Variants in GPC6 observed in about 807,000 individuals in gnomAD.
GPC6 encodes the protein glypican-6.
In GPC6, 14 loss-of-function variants were observed where a neutral mutation model predicts 55.2. The ratio of observed to expected loss-of-function variants is 0.25; its 90% CI spans 0.17 to 0.40. GPC6 has a LOEUF of 0.40. Among genes scored for constraint, GPC6 ranks in the 10% least tolerant of loss-of-function variants. The pLI is 1.00. For missense variants in GPC6, 641 were observed against 708.5 expected (o/e 0.90, Z 1.08); for synonymous variants, 278 against 259.6 (o/e 1.07, Z -0.68).
At chr13:94,112,229 G>C (rs1338182769) in intron 4 of GPC6, among the ~76,000 whole-genome samples, 2 of 152,252 alleles carry the variant, frequency 1.3e-5, no homozygotes, top group South Asian at 4.1e-4. Context: ...AATTTAGTAA[G>C]TTTCTACTCA....
In GPC6 at chr13:93,242,831, G is replaced by A. The variant is rs537745466; in HGVS notation, c.160+15215G>A. 1.8e-4 allele frequency among the ~76,000 whole-genome samples: 28 copies of A among 152,172 alleles called. No individual in the cohort carries two copies. The South Asian group carries it at 2.3e-3, about 12-fold the overall frequency. On this transcript the variant is annotated intron_variant, in intron 1 of 8. Coordinates refer to ENST00000377047, the MANE Select transcript of GPC6 (RefSeq NM_005708.5). Reference sequence around the variant, plus strand: ...GACAATCCCTGGGGAACAGACCACCGTGAATCCTGCTGTTCCTCTGGGTCT... The same window carrying A: ...GACAATCCCTGGGGAACAGACCACCATGAATCCTGCTGTTCCTCTGGGTCT...
intron 2 of GPC6, among the ~76,000 whole-genome samples, chr13:93,767,255 T>C (rs1301327417): frequency 2.6e-5 from 4 of 152,192 alleles, no homozygotes; most frequent in African/African-American, 9.7e-5. Flanking sequence ...AGAGTTGCTA[T>C]TTAATGCACC....
intron 4 of GPC6, among the ~76,000 whole-genome samples, chr13:94,102,973 G>C (rs568130011): frequency 1.1e-4 from 16 of 152,066 alleles, no homozygotes; most frequent in Non-Finnish European, 1.8e-4. Flanking sequence ...TGCCATGTTG[G>C]TGTGCTGCAC....
At position 93,556,514 on chromosome 13, in the gene GPC6, C is replaced by T. The variant is rs541738560; in HGVS notation, c.319+11093C>T. On this transcript the variant is annotated intron_variant, in intron 2 of 8. Coordinates refer to ENST00000377047, the MANE Select transcript of GPC6 (RefSeq NM_005708.5). Reference sequence around the variant, plus strand: ...ATGGAGAATGGAGTATCCATCCCCTCAAGCATTTATTCTTTGAGTTACAGG... The same window carrying T: ...ATGGAGAATGGAGTATCCATCCCCTTAAGCATTTATTCTTTGAGTTACAGG... Among the ~76,000 whole-genome samples the T allele has an allele frequency of 2.0e-5, 3 of 150,780 alleles. No homozygotes were observed. The East Asian group carries it at 5.8e-4, about 29-fold the overall frequency.
chr13:94,281,951 T>C (rs1234644119), intron 4 of GPC6, among the ~76,000 whole-genome samples: 1 of 152,220 alleles, frequency 6.6e-6, no homozygotes, highest in Non-Finnish European at 1.5e-5. Context: ...AGAGGGGACA[T>C]CATAAATGCT....
At position 93,801,368 on chromosome 13, in the gene GPC6, G is replaced by T. The variant is rs147950468; in HGVS notation, c.320-28786G>T. ...CTTTGCTTCTCAAAAGGTGTAGAAT[G>T]GTCATATCTGCTTTCTGACAGTGGT... On this transcript the variant is annotated intron_variant, in intron 2 of 8. Coordinates refer to ENST00000377047, the MANE Select transcript of GPC6 (RefSeq NM_005708.5). 4.3e-3 allele frequency among the ~76,000 whole-genome samples: 656 copies of T among 152,258 alleles called. 4 individuals are homozygous for T. Among genetic ancestry groups the T allele is most frequent in the African/African-American group, 0.014 (574 of 41,560 alleles).
intron 1 of GPC6, among the ~76,000 whole-genome samples, chr13:93,365,839 G>A (rs1485681025): frequency 2.0e-5 from 3 of 152,054 alleles, no homozygotes; most frequent in African/African-American, 7.2e-5. Flanking sequence ...AATATGTAGA[G>A]TGTTGGCTCT....
rs144421871 is a variant in GPC6 at position 93,515,671 on chromosome 13, T to A, written c.161-29592T>A. Among the ~76,000 whole-genome samples the A allele has an allele frequency of 3.1e-4, 47 of 152,318 alleles. No homozygotes were observed. In the East Asian group the frequency reaches 7.9e-3, roughly 26 times the overall value. Reference sequence around the variant, plus strand: ...AAAATTCCAAAGGCAAAATAAATACTGAAAATATATTCATTCTTACTAGTC... The same window carrying A: ...AAAATTCCAAAGGCAAAATAAATACAGAAAATATATTCATTCTTACTAGTC... On this transcript the variant is annotated intron_variant, in intron 1 of 8. Transcript: ENST00000377047.
At position 94,178,313 on chromosome 13, in the gene GPC6, A is replaced by G. The variant is rs149226404; in HGVS notation, c.878-108036A>G. On this transcript the variant is annotated intron_variant, in intron 4 of 8. Coordinates refer to ENST00000377047, the MANE Select transcript of GPC6 (RefSeq NM_005708.5). ...CACCCGGCTGGTCTTTAAATATTTT[A>G]TCTTGTCCTCCTATCTCTCATTATC... Among the ~76,000 whole-genome samples, 31 of 152,232 alleles carry G rather than the reference A, an allele frequency of 2.0e-4. 1 individual carries two copies. Among genetic ancestry groups the G allele is most frequent in the African/African-American group, 7.2e-4 (30 of 41,528 alleles).
At chr13:94,373,535 T>G (rs1294625329) in intron 6 of GPC6, among the ~76,000 whole-genome samples, 2 of 152,014 alleles carry the variant, frequency 1.3e-5, no homozygotes, top group Non-Finnish European at 2.9e-5. Flanking sequence ...AAAGAAATGA[T>G]CAAAGCCTCC....
intron 3 of GPC6, among the ~76,000 whole-genome samples, chr13:93,996,132 A>G (rs1471125522): frequency 2.0e-5 from 3 of 152,174 alleles, no homozygotes; most frequent in Non-Finnish European, 2.9e-5. Context: ...CCTTTCCACA[A>G]TCCCTTTGAA....
At chr13:93,959,563 A>C (rs1412998229) in intron 3 of GPC6, among the ~76,000 whole-genome samples, 2 of 152,166 alleles carry the variant, frequency 1.3e-5, no homozygotes, top group East Asian at 3.9e-4. Flanking sequence ...CTACTGAGCT[A>C]ATTTATTATC....
chr13:93,737,420 A>G (rs941412949), intron 2 of GPC6, among the ~76,000 whole-genome samples: 4 of 152,202 alleles, frequency 2.6e-5, no homozygotes, highest in African/African-American at 9.6e-5. Context: ...TCTCAAAGGT[A>G]CTTCAATTAA....
chr13:93,608,180 G>T (rs1437953598), intron 2 of GPC6, among the ~76,000 whole-genome samples: 4 of 151,694 alleles, frequency 2.6e-5, no homozygotes, highest in African/African-American at 9.7e-5. Context: ...AGGGTCTAGT[G>T]TATTGCCTTG....
At position 94,404,480 on chromosome 13, in the gene GPC6, T is replaced by C. The variant is rs1298754778; in HGVS notation, c.*1263T>C. The stretch of plus-strand genomic sequence containing the variant: ...TGTTTTGTCAACCAGCTCTTCTTGT[T>C]TTGTGCTGCTCAAAGAAGGGATTCC... On this transcript the variant is annotated 3_prime_UTR_variant, in exon 9 of 9. Coordinates refer to ENST00000377047, the MANE Select transcript of GPC6 (RefSeq NM_005708.5). The C allele has an allele frequency of 1.3e-5, 2 of 152,196 alleles. No individual in the cohort carries two copies. Among genetic ancestry groups the C allele is most frequent in the African/African-American group, 2.4e-5 (1 of 41,436 alleles). 9.4% of individuals were successfully genotyped at this position (152,196 alleles called of 1,614,324 possible).
Position 94,403,286 on chromosome 13 carries a change from A to T in GPC6, c.*69A>T. On this transcript the variant is annotated 3_prime_UTR_variant, in exon 9 of 9. Transcript: ENST00000377047. ...ATGGCCAACTCACTTCTTTTCTTAC[A>T]CTCTTGGACAATGGACCATGCCACA... 9.0e-7 allele frequency: 1 copy of T among 1,105,782 alleles called. No homozygotes were observed. Among genetic ancestry groups the T allele is most frequent in the Non-Finnish European group, 1.4e-6 (1 of 737,388 alleles). 68.5% of individuals were successfully genotyped at this position (1,105,782 alleles called of 1,614,324 possible). A position where few individuals can be genotyped will look rare whatever the true frequency, so the allele number is the denominator to read the frequency against.
At chr13:94,264,386 G>C (rs1417193263) in intron 4 of GPC6, among the ~76,000 whole-genome samples, 1 of 152,136 alleles carries the variant, frequency 6.6e-6, no homozygotes, top group East Asian at 1.9e-4. Context: ...ATCTAATCAA[G>C]ATCCTGGAGT....
At chr13:94,361,354 A>G (rs946588027) in intron 6 of GPC6, among the ~76,000 whole-genome samples, 1 of 152,226 alleles carries the variant, frequency 6.6e-6, no homozygotes, top group Non-Finnish European at 1.5e-5. Flanking sequence ...GCCACGTTCA[A>G]ATTCCTAATA....
At chr13:93,523,289 G>A (rs905819636) in intron 1 of GPC6, among the ~76,000 whole-genome samples, 1 of 148,152 alleles carries the variant, frequency 6.7e-6, no homozygotes, top group Non-Finnish European at 1.5e-5. Context: ...ATATGTGTGT[G>A]TAAATAACAT....
Sources: gnomAD v4.1 joint callset for allele counts (sites outside exome capture counted in the v4.1 genomes callset) on GRCh38, gnomAD v4.1.1 for gene constraint, MANE v1.5 for transcripts, NCBI Gene and HGNC (gene_info 2026-07-23, HGNC 2026-07-21) for gene names.